LRRC4C: variants seen among roughly 807,000 people sequenced by gnomAD.
LRRC4C encodes leucine rich repeat containing 4C.
A neutral mutation model predicts 33.6 loss-of-function variants in LRRC4C; 5 were observed. The ratio of observed to expected loss-of-function variants is 0.15; its 90% CI spans 0.08 to 0.31. LRRC4C has a LOEUF of 0.31. Ranked by LOEUF, LRRC4C falls within the 10% of genes least tolerant of loss-of-function variation. LRRC4C has a pLI of 1.00. For missense variants in LRRC4C, 560 were observed against 796.7 expected (o/e 0.70, Z 3.58); for synonymous variants, 329 against 302.0 (o/e 1.09, Z -0.93).
chr11:40,962,487 T>A lies in LRRC4C; in HGVS notation c.-495-28764A>T, dbSNP rs567461589. ...GGTCTAGGATTTAGTGTAACCAGAATAATAACGTATTGTAATAAATAACTA... is the reference window on the plus strand; with the variant it reads ...GGTCTAGGATTTAGTGTAACCAGAAAAATAACGTATTGTAATAAATAACTA... On this transcript the variant is annotated intron_variant, in intron 1 of 6. Transcript: ENST00000528697. 5.3e-5 allele frequency among the ~76,000 whole-genome samples: 8 copies of A among 151,848 alleles called. No individual in the cohort carries two copies. In the South Asian group the frequency reaches 1.7e-3, roughly 31 times the overall value.
At chr11:40,781,345 A>C (rs369828763) in intron 2 of LRRC4C, among the ~76,000 whole-genome samples, 5 of 152,168 alleles carry the variant, frequency 3.3e-5, no homozygotes, top group East Asian at 1.9e-4. Context: ...TTATATATAC[A>C]AAAATATTTA....
In LRRC4C at chr11:40,582,769, G is replaced by A. The variant is rs1266110179; in HGVS notation, c.-270+65373C>T. Among the ~76,000 whole-genome samples, 6 of 151,862 alleles carry A rather than the reference G, an allele frequency of 4.0e-5. No homozygotes were observed. In the East Asian group the frequency reaches 1.2e-3, roughly 29 times the overall value. ...TAACCTCAGGTGATCCACCCACCTC[G>A]GCCTCCCAAAGTGCTGGGATTACAG... On this transcript the variant is annotated intron_variant, in intron 3 of 6. Coordinates refer to ENST00000528697, the MANE Select transcript of LRRC4C (RefSeq NM_001258419.2).
intron 5 of LRRC4C, among the ~76,000 whole-genome samples, chr11:40,226,511 T>C (rs1864808440): frequency 6.6e-6 from 1 of 152,162 alleles, no homozygotes; most frequent in East Asian, 1.9e-4. Flanking sequence ...CCCAATAAGA[T>C]GAAAAATAAT....
At chr11:41,224,659 G>A (rs915393748) in intron 1 of LRRC4C, among the ~76,000 whole-genome samples, 1 of 152,108 alleles carries the variant, frequency 6.6e-6, no homozygotes, top group Non-Finnish European at 1.5e-5. Flanking sequence ...GTTGGTTTTG[G>A]AAATACTGTA....
chr11:40,934,266 C>T (rs1033606104), intron 1 of LRRC4C, among the ~76,000 whole-genome samples: 1 of 152,120 alleles, frequency 6.6e-6, no homozygotes, highest in Admixed American at 6.6e-5. Flanking sequence ...AGTAGCCAAT[C>T]AAAACTAATC....
intron 2 of LRRC4C, among the ~76,000 whole-genome samples, chr11:40,774,890 C>A (rs1364535438): frequency 2.0e-5 from 3 of 151,970 alleles, no homozygotes; most frequent in Non-Finnish European, 4.4e-5. Context: ...GAATTTAGAC[C>A]AAAGCATCAA....
intron 3 of LRRC4C, among the ~76,000 whole-genome samples, chr11:40,475,050 C>T (rs1380686337): frequency 6.6e-6 from 1 of 152,136 alleles, no homozygotes; most frequent in African/African-American, 2.4e-5. Context: ...ATGGCAATTT[C>T]TCAAGGATCT....
At chr11:41,211,931 G>A (rs985876707) in intron 1 of LRRC4C, among the ~76,000 whole-genome samples, 4 of 152,188 alleles carry the variant, frequency 2.6e-5, no homozygotes, top group African/African-American at 7.2e-5. Context: ...GGTTGAACTA[G>A]TTTACAGTCC....
At chr11:40,342,690 C>T (rs903197444) in intron 3 of LRRC4C, among the ~76,000 whole-genome samples, 10 of 152,150 alleles carry the variant, frequency 6.6e-5, no homozygotes, top group Admixed American at 4.6e-4. Flanking sequence ...TTGTAATGTT[C>T]TTTTTGATGT....
intron 1 of LRRC4C, among the ~76,000 whole-genome samples, chr11:41,431,367 GA>G (rs1955228368): frequency 6.6e-6 from 1 of 151,834 alleles, no homozygotes; most frequent in Non-Finnish European, 1.5e-5. Context: ...TTTAATAAAA[GA>G]GATGGAGAAA....
At chr11:40,916,032 A>G (rs1325897049) in intron 2 of LRRC4C, among the ~76,000 whole-genome samples, 1 of 152,208 alleles carries the variant, frequency 6.6e-6, no homozygotes, top group African/African-American at 2.4e-5. Context: ...GCAATCATTA[A>G]AAAGTCAGGA....
At chr11:40,950,391 G>A (rs956059440) in intron 1 of LRRC4C, among the ~76,000 whole-genome samples, 1 of 151,904 alleles carries the variant, frequency 6.6e-6, no homozygotes, top group Non-Finnish European at 1.5e-5. Flanking sequence ...GATGCTATTT[G>A]TCTATTTTTA....
At chr11:41,037,446 C>A (rs1857148663) in intron 1 of LRRC4C, among the ~76,000 whole-genome samples, 1 of 152,030 alleles carries the variant, frequency 6.6e-6, no homozygotes, top group Admixed American at 6.6e-5. Flanking sequence ...CTCAAGTGAT[C>A]CTCCTGCCTT....
intron 2 of LRRC4C, among the ~76,000 whole-genome samples, chr11:40,650,949 C>T (rs1336268013): frequency 5.3e-5 from 8 of 152,270 alleles, no homozygotes; most frequent in African/African-American, 1.9e-4. Context: ...CATCCCTAAA[C>T]TGCACAAGTG....
intron 2 of LRRC4C, among the ~76,000 whole-genome samples, chr11:40,845,223 G>A (rs145206114): frequency 2.2e-4 from 34 of 151,920 alleles, no homozygotes; most frequent in African/African-American, 8.0e-4. Flanking sequence ...TGTTACATAG[G>A]TATGCATGTG....
At chr11:41,357,862 T>C (rs891658814) in intron 1 of LRRC4C, among the ~76,000 whole-genome samples, 1 of 152,092 alleles carries the variant, frequency 6.6e-6, no homozygotes. Flanking sequence ...TTTAATGCAA[T>C]CTTAAAGCAC....
intron 3 of LRRC4C, among the ~76,000 whole-genome samples, chr11:40,626,256 C>T (rs3979514): frequency 0.5 from 75,856 of 151,802 alleles, 19,307 homozygotes; most frequent in East Asian, 0.73. Context: ...TTTCTCTTTC[C>T]TTACTCAAAT....
chr11:40,629,869 A>G (rs1202987155), intron 3 of LRRC4C, among the ~76,000 whole-genome samples: 1 of 152,176 alleles, frequency 6.6e-6, no homozygotes, highest in Non-Finnish European at 1.5e-5. Flanking sequence ...TAAAATCTGC[A>G]TGGACATACA....
intron 2 of LRRC4C, among the ~76,000 whole-genome samples, chr11:40,846,952 C>T (rs186951570): frequency 0.018 from 2,657 of 151,502 alleles, 37 homozygotes; most frequent in Non-Finnish European, 0.025. Context: ...TGATTTGGCT[C>T]TCTATTATTG....
Sources: gnomAD v4.1 joint callset for allele counts (sites outside exome capture counted in the v4.1 genomes callset) on GRCh38, gnomAD v4.1.1 for gene constraint, MANE v1.5 for transcripts, NCBI Gene and HGNC (gene_info 2026-07-23, HGNC 2026-07-21) for gene names.